Variants in KCNIP1 observed in about 807,000 individuals in gnomAD.
The protein encoded by KCNIP1 is A-type potassium channel modulatory protein KCNIP1.
A neutral mutation model predicts 33.0 loss-of-function variants in KCNIP1; 18 were observed. The observed-to-expected ratio is 0.55, with a 90% confidence interval of 0.38 to 0.81. The LOEUF is 0.81. Ranked by LOEUF, KCNIP1 falls within the 30% of genes least tolerant of loss-of-function variation. The pLI is 0.00. For synonymous variants in KCNIP1, 93 were observed against 98.3 expected, an observed-to-expected ratio of 0.95 and a Z score of 0.32; for missense variants, 238 against 271.6, an observed-to-expected ratio of 0.88 and a Z score of 0.87.
intron 1 of KCNIP1, among the ~76,000 whole-genome samples, chr5:170,643,259 C>G (rs1354673610): frequency 6.6e-6 from 1 of 152,248 alleles, no homozygotes; most frequent in Non-Finnish European, 1.5e-5. Context: ...GTGAGCTTCC[C>G]CAGGAAACCA....
At chr5:170,583,787 C>G (rs1757885304) in intron 1 of KCNIP1, among the ~76,000 whole-genome samples, 1 of 152,164 alleles carries the variant, frequency 6.6e-6, no homozygotes, top group South Asian at 2.1e-4. Flanking sequence ...AGTGTTTCTT[C>G]TTTATCTCTG....
At chr5:170,533,389 C>CGGGTACT (rs1299336049) in intron 1 of KCNIP1, among the ~76,000 whole-genome samples, 1 of 152,196 alleles carries the variant, frequency 6.6e-6, no homozygotes, top group Non-Finnish European at 1.5e-5. Flanking sequence ...TCCTACGCTG[C>CGGGTACT]GGGTACTGTT....
intron 1 of KCNIP1, among the ~76,000 whole-genome samples, chr5:170,360,912 G>T (rs1056003614): frequency 4.6e-5 from 7 of 152,198 alleles, no homozygotes. Context: ...CCCTTTTTGA[G>T]GTCTGGTCTT....
chr5:170,377,104 C>T (rs1477774700), intron 1 of KCNIP1: 1 of 152,246 alleles, frequency 6.6e-6, no homozygotes, highest in East Asian at 1.9e-4. Flanking sequence ...ACTTCAGACA[C>T]CAGCCTAACT....
At chr5:170,472,061 G>A (rs184002174) in intron 1 of KCNIP1, among the ~76,000 whole-genome samples, 29 of 152,182 alleles carry the variant, frequency 1.9e-4, no homozygotes, top group East Asian at 7.8e-4. Context: ...GCCCACCCCC[G>A]TTATTCTCCA....
At chr5:170,386,741 A>G (rs1764489872) in intron 1 of KCNIP1, among the ~76,000 whole-genome samples, 1 of 151,904 alleles carries the variant, frequency 6.6e-6, no homozygotes, top group Non-Finnish European at 1.5e-5. Flanking sequence ...AGAAGAAAGA[A>G]GGCATCATGG....
chr5:170,388,412 G>T (rs1764573821), intron 1 of KCNIP1, among the ~76,000 whole-genome samples: 1 of 152,224 alleles, frequency 6.6e-6, no homozygotes, highest in African/African-American at 2.4e-5. Flanking sequence ...AGAAAAGGAA[G>T]AAGTGGGTTT....
chr5:170,674,161 A>AGGGAGGG (rs1561756579), intron 1 of KCNIP1, among the ~76,000 whole-genome samples: 3 of 79,370 alleles, frequency 3.8e-5, no homozygotes, highest in African/African-American at 1.7e-4. Context: ...GGAAGGAAGG[A>AGGGAGGG]AGGAAGGAAG....
intron 1 of KCNIP1, among the ~76,000 whole-genome samples, chr5:170,402,534 G>T (rs1386126923): frequency 6.6e-6 from 1 of 152,180 alleles, no homozygotes; most frequent in Non-Finnish European, 1.5e-5. Context: ...TGGCCTTGAG[G>T]TCCCCCTGGA....
intron 1 of KCNIP1, among the ~76,000 whole-genome samples, chr5:170,527,483 A>G (rs1755623668): frequency 6.6e-6 from 1 of 152,010 alleles, no homozygotes; most frequent in Non-Finnish European, 1.5e-5. Flanking sequence ...TCAAAGCCTC[A>G]GTTAGCTCTT....
At chr5:170,652,498 A>AAGGAAGGAAGG (rs1554107876) in intron 1 of KCNIP1, among the ~76,000 whole-genome samples, 97 of 103,044 alleles carry the variant, frequency 9.4e-4, no homozygotes, top group African/African-American at 2.8e-3. Flanking sequence ...AAAAAAAAAA[A>AAGGAAGGAAGG]AAGGAAGGAA....
chr5:170,524,475 C>T (rs777067243), intron 1 of KCNIP1, among the ~76,000 whole-genome samples: 3 of 152,200 alleles, frequency 2.0e-5, no homozygotes, highest in Admixed American at 6.5e-5. Context: ...CACTTGGCCC[C>T]TCTGTTATTC....
intron 1 of KCNIP1, among the ~76,000 whole-genome samples, chr5:170,480,311 T>G (rs1019706311): frequency 6.6e-6 from 1 of 152,204 alleles, no homozygotes; most frequent in Non-Finnish European, 1.5e-5. Context: ...CAGCCAGCTC[T>G]GGGGTTACTG....
intron 5 of KCNIP1, among the ~76,000 whole-genome samples, chr5:170,732,163 G>A (rs996232330): frequency 1.3e-5 from 2 of 152,176 alleles, no homozygotes; most frequent in Admixed American, 1.3e-4. Flanking sequence ...GGTCTCTGTA[G>A]AAACCAGGTC....
rs539901996 is a variant in KCNIP1 at position 170,453,656 on chromosome 5, G to A, written c.88+99692G>A. 3.9e-5 allele frequency among the ~76,000 whole-genome samples: 6 copies of A among 152,310 alleles called. 1 individual carries two copies. The highest frequency in any genetic ancestry group is 1.4e-4 in the African/African-American group (6 of 41,574). ...CTTCTAACCAGTGGAATATGGCGGA[G>A]GTGGTGGGACGTTACTCCTGTGATT... On this transcript the variant is annotated intron_variant, in intron 1 of 7. Transcript: ENST00000377360.
At chr5:170,531,255 C>T (rs1360133981) in intron 1 of KCNIP1, among the ~76,000 whole-genome samples, 2 of 152,156 alleles carry the variant, frequency 1.3e-5, no homozygotes, top group Admixed American at 6.5e-5. Context: ...CCTTCTACAG[C>T]AGTACTTTGA....
chr5:170,684,033 A>T (rs1371529418), intron 1 of KCNIP1, among the ~76,000 whole-genome samples: 1 of 152,132 alleles, frequency 6.6e-6, no homozygotes, highest in Non-Finnish European at 1.5e-5. Context: ...CTGGGATTAC[A>T]GGCATGAGCC....
rs138630281 is a variant in KCNIP1 at position 170,722,192 on chromosome 5, C to A, written c.327+289C>A. Among the ~76,000 whole-genome samples the A allele has an allele frequency of 2.6e-4, 40 of 152,284 alleles. No individual in the cohort carries two copies. In the East Asian group the frequency reaches 7.7e-3, roughly 29 times the overall value. ...ACTTAGGGCTTTGTATGTATTAATT[C>A]ATTTACTCCAATTCCCACAATAACC... On this transcript the variant is annotated intron_variant, in intron 4 of 7. Transcript: ENST00000328939.
At chr5:170,468,904 GAA>G (rs35038538) in intron 1 of KCNIP1, among the ~76,000 whole-genome samples, 34,016 of 147,768 alleles carry the variant, frequency 0.23, 4,253 homozygotes, top group African/African-American at 0.34. Context: ...TGGCTATAAT[GAA>G]AAAAAAAAAT....
Sources: allele counts gnomAD v4.1 joint callset (sites outside exome capture counted in the v4.1 genomes callset), GRCh38; gene constraint gnomAD v4.1.1; transcripts MANE v1.5; gene names NCBI Gene and HGNC (gene_info 2026-07-23, HGNC 2026-07-21).